The following ARHGAP15 variants were observed in gnomAD, a reference collection of about 807,000 sequenced individuals.
ARHGAP15 encodes the protein Rho GTPase activating protein 15, also known as rho GTPase-activating protein 15.
In ARHGAP15, 51 loss-of-function variants were observed where a neutral mutation model predicts 63.7. The ratio of observed to expected loss-of-function variants is 0.80; its 90% CI spans 0.64 to 1.01. The LOEUF is 1.01. ARHGAP15 is among the 50% of genes least tolerant of loss of function. The pLI, the probability that ARHGAP15 is intolerant of heterozygous loss-of-function variation, is 0.00. For missense variants in ARHGAP15, 560 were observed against 564.6 expected (o/e 0.99, Z 0.08); for synonymous variants, 191 against 193.8 (o/e 0.99, Z 0.12).
At chr2:143,186,002 T>G (rs560447167) in intron 2 of ARHGAP15, among the ~76,000 whole-genome samples, 2 of 152,136 alleles carry the variant, frequency 1.3e-5, no homozygotes, top group Non-Finnish European at 2.9e-5. Flanking sequence ...TAATAAATAG[T>G]CATTACATTC....
intron 13 of ARHGAP15, among the ~76,000 whole-genome samples, chr2:143,731,796 T>A (rs1433974913): frequency 6.6e-6 from 1 of 152,238 alleles, no homozygotes; most frequent in Non-Finnish European, 1.5e-5. Context: ...ACTAACCATA[T>A]GTCCCATATC....
chr2:143,621,200 C>T (rs2105235607), intron 11 of ARHGAP15, among the ~76,000 whole-genome samples: 1 of 152,236 alleles, frequency 6.6e-6, no homozygotes, highest in Non-Finnish European at 1.5e-5. Flanking sequence ...AAGACAGCCC[C>T]CACCACAAAG....
At chr2:143,240,584 A>T (rs1693826524) in intron 5 of ARHGAP15, among the ~76,000 whole-genome samples, 1 of 152,198 alleles carries the variant, frequency 6.6e-6, no homozygotes, top group African/African-American at 2.4e-5. Context: ...TAATCATTTA[A>T]TTCTCATAAT....
At chr2:143,618,281 C>T (rs976539761) in intron 11 of ARHGAP15, among the ~76,000 whole-genome samples, 4 of 152,194 alleles carry the variant, frequency 2.6e-5, no homozygotes, top group Non-Finnish European at 5.9e-5. Flanking sequence ...ATTTTATCCA[C>T]ATTAATATCT....
intron 6 of ARHGAP15, among the ~76,000 whole-genome samples, chr2:143,411,826 T>C (rs972838784): frequency 4.6e-5 from 7 of 152,096 alleles, no homozygotes; most frequent in African/African-American, 1.4e-4. Flanking sequence ...TAATAGCAAG[T>C]AGTGAGAAAG....
At chr2:143,134,191 A>G (rs111855748) in intron 1 of ARHGAP15, among the ~76,000 whole-genome samples, 1 of 150,158 alleles carries the variant, frequency 6.7e-6, no homozygotes, top group African/African-American at 2.4e-5. Flanking sequence ...TCATCTATCT[A>G]TCTACCTATC....
chr2:143,568,615 A>G (rs549177274), intron 11 of ARHGAP15, among the ~76,000 whole-genome samples: 1 of 152,336 alleles, frequency 6.6e-6, no homozygotes, highest in South Asian at 2.1e-4. Flanking sequence ...CGATTCCTCA[A>G]GGATCTAGAA....
intron 12 of ARHGAP15, among the ~76,000 whole-genome samples, chr2:143,662,149 C>T (rs1681842150): frequency 6.6e-6 from 1 of 152,238 alleles, no homozygotes; most frequent in African/African-American, 2.4e-5. Flanking sequence ...GTAACCTCTG[C>T]AGACTTAAAT....
chr2:143,678,893 CAAT>C (rs1490324996), intron 12 of ARHGAP15, among the ~76,000 whole-genome samples: 2 of 152,106 alleles, frequency 1.3e-5, no homozygotes, highest in African/African-American at 4.8e-5. Context: ...TTATCCTAAG[CAAT>C]AATATCTATG....
intron 12 of ARHGAP15, among the ~76,000 whole-genome samples, chr2:143,652,173 TTTG>T: frequency 6.6e-6 from 1 of 152,026 alleles, no homozygotes; most frequent in Non-Finnish European, 1.5e-5. Flanking sequence ...CAAACTTGTT[TTTG>T]CTACTCTAGG....
chr2:143,270,580 T>G (rs1247759185), intron 6 of ARHGAP15, among the ~76,000 whole-genome samples: 3 of 152,356 alleles, frequency 2.0e-5, no homozygotes, highest in Admixed American at 6.5e-5. Context: ...TCTTCTAATG[T>G]TTCGTGATGC....
chr2:143,538,846 T>C (rs1694904316), intron 10 of ARHGAP15, among the ~76,000 whole-genome samples: 1 of 152,218 alleles, frequency 6.6e-6, no homozygotes, highest in Non-Finnish European at 1.5e-5. Context: ...ATTCTCTTTT[T>C]TTGTTGTGTC....
At chr2:143,362,103 A>ATTTTTCCTCC (rs1425966873) in intron 6 of ARHGAP15, among the ~76,000 whole-genome samples, 2 of 151,944 alleles carry the variant, frequency 1.3e-5, no homozygotes, top group African/African-American at 2.4e-5. Context: ...ACATTTCCTC[A>ATTTTTCCTCC]TTTTTCCTCC....
intron 12 of ARHGAP15, among the ~76,000 whole-genome samples, chr2:143,658,492 T>G (rs927393210): frequency 1.3e-5 from 2 of 152,196 alleles, no homozygotes; most frequent in Admixed American, 6.5e-5. Context: ...GGATAGGGTT[T>G]AGCTGTAATT....
At chr2:143,541,666 T>C (rs1695058532) in intron 10 of ARHGAP15, among the ~76,000 whole-genome samples, 1 of 152,188 alleles carries the variant, frequency 6.6e-6, no homozygotes, top group African/African-American at 2.4e-5. Flanking sequence ...TGCCTGGGTA[T>C]CAGCAGTGGT....
At chr2:143,392,126 A>T (rs1378683151) in intron 6 of ARHGAP15, among the ~76,000 whole-genome samples, 1 of 152,166 alleles carries the variant, frequency 6.6e-6, no homozygotes, top group African/African-American at 2.4e-5. Flanking sequence ...ACTCCAATCT[A>T]TTACATGATA....
chr2:143,653,848 ATTC>A (rs1175261126), intron 12 of ARHGAP15, among the ~76,000 whole-genome samples: 2 of 152,160 alleles, frequency 1.3e-5, no homozygotes, highest in African/African-American at 2.4e-5. Context: ...GCCAAAAGTT[ATTC>A]TTCTACTGTG....
At chr2:143,166,026 GAAAACAAAGGAAGAA>G (rs1690509402) in intron 2 of ARHGAP15, among the ~76,000 whole-genome samples, 1 of 132,072 alleles carries the variant, frequency 7.6e-6, no homozygotes, top group African/African-American at 2.8e-5. Flanking sequence ...AAAAAAGAAA[GAAAACAAAGGAAGAA>G]AAAGAAAGAA....
At chr2:143,670,710 CCAT>C in intron 12 of ARHGAP15, among the ~76,000 whole-genome samples, 1 of 152,288 alleles carries the variant, frequency 6.6e-6, no homozygotes, top group South Asian at 2.1e-4. Context: ...GTCTCTTATT[CCAT>C]CATCAGGTCC....
Sources: allele counts gnomAD v4.1 joint callset (sites outside exome capture counted in the v4.1 genomes callset), GRCh38; gene constraint gnomAD v4.1.1; transcripts MANE v1.5; gene names NCBI Gene and HGNC (gene_info 2026-07-23, HGNC 2026-07-21).